The following LMAN2 variants were observed in gnomAD, a reference collection of about 807,000 sequenced individuals.
LMAN2 encodes the protein vesicular integral-membrane protein VIP36.
A neutral mutation model predicts 39.3 loss-of-function variants in LMAN2; 22 were observed. The ratio of observed to expected loss-of-function variants is 0.56; its 90% CI spans 0.40 to 0.80. The LOEUF is 0.80. Among genes scored for constraint, LMAN2 ranks in the 30% least tolerant of loss-of-function variants. The pLI is 0.00. For synonymous variants in LMAN2, 207 were observed against 207.8 expected, an observed-to-expected ratio of 1.00 and a Z score of 0.03; for missense variants, 494 against 505.4, an observed-to-expected ratio of 0.98 and a Z score of 0.22.
At chr5:177,340,283 C>T (rs1287288127) in intron 2 of LMAN2, among the ~76,000 whole-genome samples, 1 of 152,162 alleles carries the variant, frequency 6.6e-6, no homozygotes, top group Non-Finnish European at 1.5e-5. Context: ...CGTGGTACAG[C>T]CCCAGGCAAT....
intron 2 of LMAN2, among the ~76,000 whole-genome samples, chr5:177,349,553 C>T (rs1761691512): frequency 6.6e-6 from 1 of 152,330 alleles, no homozygotes; most frequent in South Asian, 2.1e-4. Context: ...AGTGCAGAAG[C>T]CTCTCAGTCC....
At chr5:177,351,430 A>G (rs1283404341) in intron 1 of LMAN2, 22 bp downstream of exon 1, 1 of 1,609,340 alleles carries the variant, frequency 6.2e-7, no homozygotes, top group Non-Finnish European at 8.5e-7. Context: ...CTCTTCACTC[A>G]TTCCCGCCCC....
intron 2 of LMAN2, among the ~76,000 whole-genome samples, chr5:177,339,039 G>GT (rs1386199478): frequency 6.6e-6 from 1 of 152,230 alleles, no homozygotes; most frequent in Non-Finnish European, 1.5e-5. Flanking sequence ...ATTCAGAGGT[G>GT]TAACAACTTG....
chr5:177,336,413 C>G (rs1761471301), intron 6 of LMAN2, among the ~76,000 whole-genome samples: 1 of 152,184 alleles, frequency 6.6e-6, no homozygotes, highest in Non-Finnish European at 1.5e-5. Context: ...AAGGCGATTA[C>G]TGAAGGCGAT....
Position 177,351,531 on chromosome 5 carries a change from C to T in LMAN2, c.117G>A (p.Leu39=). The T allele has an allele frequency of 6.2e-7, 1 of 1,614,248 alleles. No individual in the cohort carries two copies. Among genetic ancestry groups the T allele is most frequent in the Non-Finnish European group, 8.5e-7 (1 of 1,180,040 alleles). The change falls in exon 1 of 8, where the codon TTG becomes TTA. Residue 39 remains leucine, a synonymous_variant. Transcript: ENST00000303127. ...CAGTTATATCCGCAGTCACAGACCC[C>T]AACAACAAAAGAAGAAAGAGAGGTG... ...PTTPLFLLLL[L]GSVTADITDG...
chr5:177,344,069 T>A (rs1761597698), intron 2 of LMAN2, among the ~76,000 whole-genome samples: 1 of 149,806 alleles, frequency 6.7e-6, no homozygotes, highest in African/African-American at 2.5e-5. Flanking sequence ...AAAAAAAAAA[T>A]TAGCCAGGCA....
At chr5:177,339,518 T>G (rs1023858965) in intron 2 of LMAN2, among the ~76,000 whole-genome samples, 5 of 152,220 alleles carry the variant, frequency 3.3e-5, no homozygotes, top group African/African-American at 1.2e-4. Context: ...AGGAAGTCGC[T>G]TGTGAAAACT....
intron 3 of LMAN2, 147 bp downstream of exon 3, chr5:177,338,341 T>C: frequency 1.5e-6 from 1 of 654,484 alleles, no homozygotes; most frequent in South Asian, 1.8e-5. Context: ...GCGCAGGACT[T>C]TATCCACGGG....
In LMAN2 at chr5:177,338,652, C is replaced by T. The variant is rs1408015720; in HGVS notation, c.316-47G>A. ...CTGCTCAGAGCTCCCCAGGGCCTTC[C>T]AGCAAGCTGGAGGCAACCCCAGCAC... On this transcript the variant is annotated intron_variant, in intron 2 of 7. Coordinates refer to ENST00000303127, the MANE Select transcript of LMAN2 (RefSeq NM_006816.3). 3 of 1,552,512 alleles carry T rather than the reference C, an allele frequency of 1.9e-6. No homozygotes were observed. The Admixed American group carries it at 5.0e-5, about 26-fold the overall frequency.
At chr5:177,338,977 T>TTC (rs1761514422) in intron 2 of LMAN2, among the ~76,000 whole-genome samples, 2 of 152,240 alleles carry the variant, frequency 1.3e-5, no homozygotes, top group Non-Finnish European at 2.9e-5. Flanking sequence ...CCCTGGAACC[T>TTC]TCTGCAGACG....
chr5:177,339,775 G>A (rs1392429543), intron 2 of LMAN2, among the ~76,000 whole-genome samples: 1 of 152,170 alleles, frequency 6.6e-6, no homozygotes, highest in Non-Finnish European at 1.5e-5. Context: ...GGATTATGGC[G>A]ACTGTTTACC....
rs1356792416 is a variant in LMAN2, at chr5:177,337,300, C to T, written c.676-50G>A. On this transcript the variant is annotated intron_variant, in intron 5 of 7. Transcript: ENST00000303127. This position sits in a 1 kb window ranked among gnomAD's most constrained non-coding sequence, Gnocchi z 8.2. ...CCTCGCAGGACAGCAGCCTGCCCTC[C>T]TGAGCCTCTGTGGGACCAGCACAGG... The T allele has an allele frequency of 1.9e-6, 3 of 1,612,148 alleles. No individual in the cohort carries two copies.
In LMAN2 at chr5:177,332,318, G is replaced by A. The variant is rs1297732574; in HGVS notation, c.911-72C>T. The A allele has an allele frequency of 1.4e-6, 2 of 1,449,532 alleles. No individual in the cohort carries two copies. The allele number at this position is 1,449,532 out of a possible 1,614,324, so 89.8% of individuals were successfully genotyped here. The stretch of plus-strand genomic sequence containing the variant: ...GATCAGGGGGCTGCAGGAGGGCAGT[G>A]GGGATGGAACAGGACAGCCGGCCAC... On this transcript the variant is annotated intron_variant, in intron 7 of 7. Coordinates refer to ENST00000303127, the MANE Select transcript of LMAN2 (RefSeq NM_006816.3). The surrounding 1 kb of genome is among the most constrained non-coding windows in gnomAD (Gnocchi z 6.3).
At position 177,332,241 on chromosome 5, in the gene LMAN2, C is replaced by T. The variant is rs776864398; in HGVS notation, c.916G>A (p.Val306Met). 1.3e-5 allele frequency: 21 copies of T among 1,612,254 alleles called. No homozygotes were observed. Among genetic ancestry groups the T allele is most frequent in the Non-Finnish European group, 1.8e-5 (21 of 1,179,598 alleles). ...CGGAAGTTCCCCGTGGGGTCGTCCA[C>T]GTTGTCTGGGGGAGAAGAAACGGGG... is the stretch of plus-strand genomic sequence containing the variant. ...VNFLKSPKDNVDDPTGNFRSG... is the reference protein window; with the variant it reads ...VNFLKSPKDNMDDPTGNFRSG... The change falls in exon 8 of 8, where the codon GTG becomes ATG. Residue 306 changes from valine to methionine, a missense_variant. By Grantham distance (21) the Val-to-Met change is conservative. Coordinates refer to ENST00000303127, the MANE Select transcript of LMAN2 (RefSeq NM_006816.3). This position sits in a 1 kb window ranked among gnomAD's most constrained non-coding sequence, Gnocchi z 6.3.
chr5:177,348,154 T>A (rs960091144), intron 2 of LMAN2, among the ~76,000 whole-genome samples: 1 of 152,186 alleles, frequency 6.6e-6, no homozygotes, highest in Non-Finnish European at 1.5e-5. Context: ...TTTACTTTTG[T>A]ATAATTACTC....
intron 2 of LMAN2, among the ~76,000 whole-genome samples, chr5:177,341,933 T>C (rs1357428164): frequency 6.6e-6 from 1 of 151,862 alleles, no homozygotes; most frequent in Admixed American, 6.6e-5. Flanking sequence ...CACTTAAAAC[T>C]GAGAAAAGAG....
intron 2 of LMAN2, among the ~76,000 whole-genome samples, chr5:177,345,498 C>G (rs1761620183): frequency 6.6e-6 from 1 of 151,902 alleles, no homozygotes. Context: ...ACCCCTGAAG[C>G]CTAGTAATAT....
Position 177,351,255 on chromosome 5 carries a change from T to C in LMAN2, c.233A>G (p.Gln78Arg), listed in dbSNP as rs752881239. Residue 78 changes from glutamine to arginine, a missense_variant, in exon 2 of 8, where the codon CAG becomes CGG. Physicochemically the swap from Gln to Arg is conservative, Grantham distance 43 (BLOSUM62 1). Transcript: ENST00000303127. ...GSSSMPLWDF[Q>R]GSTMLTSQYV... ...CTGGCTCGTGAGCATAGTGCTGCCC[T>C]GGAAGTCCCAGAGGGGCATAGAGCT... is the stretch of plus-strand genomic sequence containing the variant. 3.7e-6 allele frequency: 6 copies of C among 1,613,988 alleles called. No homozygotes were observed. The Admixed American group carries it at 8.3e-5, about 22-fold the overall frequency.
chr5:177,345,670 C>T (rs953057589), intron 2 of LMAN2, among the ~76,000 whole-genome samples: 5 of 152,156 alleles, frequency 3.3e-5, no homozygotes, highest in Admixed American at 1.3e-4. Flanking sequence ...CCTGCTCCTG[C>T]CTCACCACTG....
Sources: allele counts gnomAD v4.1 joint callset (sites outside exome capture counted in the v4.1 genomes callset), GRCh38; gene constraint gnomAD v4.1.1; non-coding constraint Gnocchi (gnomAD v3.1); transcripts MANE v1.5; gene names NCBI Gene and HGNC (gene_info 2026-07-23, HGNC 2026-07-21).